The following TPO variants were observed in gnomAD, a reference collection of about 807,000 sequenced individuals.
The protein encoded by TPO is thyroid peroxidase.
Under a neutral mutation model 96.9 loss-of-function variants are expected in TPO, and 78 were observed. The ratio of observed to expected loss-of-function variants is 0.81; its 90% CI spans 0.67 to 0.97. The LOEUF (loss-of-function observed/expected upper bound fraction) is 0.97, where lower values mean the gene tolerates loss of function less well. TPO is among the 50% of genes least tolerant of loss of function. TPO has a pLI of 0.00. For synonymous variants in TPO, 547 were observed against 538.0 expected (o/e 1.02, Z -0.23); for missense variants, 1,252 against 1,274.8 (o/e 0.98, Z 0.27).
chr2:1,486,614 T>A (rs184950516), intron 9 of TPO, among the ~76,000 whole-genome samples: 2 of 152,334 alleles, frequency 1.3e-5, no homozygotes, highest in East Asian at 3.9e-4. Flanking sequence ...CTTTAGAATG[T>A]TAATGATGGG....
chr2:1,496,468 C>A, intron 12 of TPO, 127 bp from the exon 13 acceptor site: 1 of 1,378,370 alleles, frequency 7.3e-7, no homozygotes, highest in South Asian at 1.2e-5. Flanking sequence ...AGTGAGTGAC[C>A]ACAGCAGGGC....
In TPO at chr2:1,456,627, G is replaced by A. The variant is rs138871689; in HGVS notation, c.819+345G>A. 1.6e-4 allele frequency among the ~76,000 whole-genome samples: 24 copies of A among 148,818 alleles called. 2 individuals carry two copies. Among genetic ancestry groups the A allele is most frequent in the African/African-American group, 5.8e-4 (23 of 39,700 alleles). On this transcript the variant is annotated intron_variant, in intron 7 of 16. Coordinates refer to ENST00000329066, the MANE Select transcript of TPO (RefSeq NM_001206744.2). The stretch of plus-strand genomic sequence containing the variant: ...TAGTGTGTGGGCAGATGTGTACATA[G>A]CATGTATGATACTGTGGGTACACAT...
chr2:1,470,307 C>T (rs748582115), intron 7 of TPO, among the ~76,000 whole-genome samples: 11 of 152,206 alleles, frequency 7.2e-5, no homozygotes, highest in East Asian at 3.9e-4. Context: ...TAACTTTGGA[C>T]GTGAGCTTTG....
chr2:1,504,157 C>T (rs1271351245), intron 14 of TPO, 78 bp downstream of exon 14: 1 of 1,602,234 alleles, frequency 6.2e-7, no homozygotes, highest in Admixed American at 1.7e-5. Context: ...TCAAGTTAGG[C>T]AACTGTCAAT....
At position 1,423,034 on chromosome 2, in the gene TPO, CT is replaced by C. The variant is rs1558265550; in HGVS notation, c.95-10del. 1 of 1,613,858 alleles carries C rather than the reference CT, an allele frequency of 6.2e-7. No individual in the cohort carries two copies. The highest frequency in any genetic ancestry group is 1.7e-5 in the Admixed American group (1 of 60,034). ...CATTGCGCTTTGACTGTGTGACATT[CT>C]GTTCCGTAGGAAAGCCTGAGGAGTC... is the stretch of plus-strand genomic sequence containing the variant. On this transcript the variant is annotated splice_polypyrimidine_tract_variant and intron_variant, in intron 2 of 16. Coordinates refer to ENST00000329066, the MANE Select transcript of TPO (RefSeq NM_001206744.2).
intron 14 of TPO, among the ~76,000 whole-genome samples, chr2:1,508,782 C>T (rs1294081112): frequency 6.6e-6 from 1 of 151,892 alleles, no homozygotes; most frequent in Non-Finnish European, 1.5e-5. Flanking sequence ...CTCTTTTCTT[C>T]TTTATTAGTC....
intron 14 of TPO, among the ~76,000 whole-genome samples, chr2:1,510,262 T>C (rs1266353325): frequency 6.6e-6 from 1 of 152,218 alleles, no homozygotes; most frequent in Non-Finnish European, 1.5e-5. Context: ...GCTCAGCTGC[T>C]TTCCGCATTA....
At chr2:1,526,067 G>A (rs1302810584) in intron 15 of TPO, among the ~76,000 whole-genome samples, 3 of 66,134 alleles carry the variant, frequency 4.5e-5, no homozygotes, top group African/African-American at 1.3e-4. Context: ...CCCACTGTGC[G>A]CAACCTCCCC....
At chr2:1,426,714 G>T (rs975236731) in intron 3 of TPO, among the ~76,000 whole-genome samples, 1 of 152,338 alleles carries the variant, frequency 6.6e-6, no homozygotes, top group East Asian at 1.9e-4. Context: ...TTCATTTAGG[G>T]ATGAATTTAT....
At chr2:1,385,026 G>A (rs1361366622) in intron 1 of TPO, among the ~76,000 whole-genome samples, 31 of 152,244 alleles carry the variant, frequency 2.0e-4, no homozygotes, top group East Asian at 1.2e-3. Context: ...ATTGATTTGC[G>A]TATGTTGAAC....
intron 8 of TPO, chr2:1,477,954 C>T (rs1369958163): frequency 5.1e-6 from 5 of 985,276 alleles, no homozygotes; most frequent in South Asian, 4.7e-5. Flanking sequence ...GCAGCCAGAC[C>T]ACCCAGGTTT....
chr2:1,474,689 C>G (rs965653409), intron 7 of TPO, among the ~76,000 whole-genome samples: 3 of 152,194 alleles, frequency 2.0e-5, no homozygotes, highest in Non-Finnish European at 4.4e-5. Context: ...TCGATCTGTT[C>G]TTCATTTTCC....
chr2:1,500,905 G>A (rs1275208873), intron 13 of TPO, among the ~76,000 whole-genome samples: 1 of 151,070 alleles, frequency 6.6e-6, no homozygotes, highest in Non-Finnish European at 1.5e-5. Flanking sequence ...CCGGGAGATG[G>A]AGGTTTCAGT....
At chr2:1,430,904 A>C (rs1393423078) in intron 3 of TPO, among the ~76,000 whole-genome samples, 1 of 152,166 alleles carries the variant, frequency 6.6e-6, no homozygotes, top group Non-Finnish European at 1.5e-5. Context: ...TTTTTATCTC[A>C]GAGGCTCATA....
At chr2:1,533,360 CCCCCACTGTGTGCA>C in intron 15 of TPO, among the ~76,000 whole-genome samples, 1 of 125,214 alleles carries the variant, frequency 8.0e-6, no homozygotes, top group African/African-American at 3.0e-5. Context: ...TTCCCAAATC[CCCCCACTGTGTGCA>C]ACCTCCTCAA....
At chr2:1,538,333 C>T (rs963784717) in intron 15 of TPO, among the ~76,000 whole-genome samples, 1 of 152,138 alleles carries the variant, frequency 6.6e-6, no homozygotes, top group Non-Finnish European at 1.5e-5. Context: ...CACGGGCATA[C>T]CCTGTCCTTG....
At chr2:1,488,921 C>G (rs1375095547) in intron 10 of TPO, among the ~76,000 whole-genome samples, 2 of 152,182 alleles carry the variant, frequency 1.3e-5, no homozygotes, top group African/African-American at 4.8e-5. Flanking sequence ...GAAGGGGCCC[C>G]TATGTGTGTC....
intron 1 of TPO, among the ~76,000 whole-genome samples, chr2:1,391,899 C>T (rs185926809): frequency 0.017 from 2,611 of 152,266 alleles, 52 homozygotes; most frequent in East Asian, 0.062. Flanking sequence ...TGCTTATCAG[C>T]TTAAGGAGAT....
chr2:1,395,395 C>G (rs1462196400), intron 1 of TPO, among the ~76,000 whole-genome samples: 1 of 152,176 alleles, frequency 6.6e-6, no homozygotes, highest in Non-Finnish European at 1.5e-5. Flanking sequence ...TATTAAAAAG[C>G]TCTGCACTTA....
Sources: allele counts gnomAD v4.1 joint callset (sites outside exome capture counted in the v4.1 genomes callset), GRCh38; gene constraint gnomAD v4.1.1; transcripts MANE v1.5; gene names NCBI Gene and HGNC (gene_info 2026-07-23, HGNC 2026-07-21).